CTDSPL2: variants seen among roughly 807,000 people sequenced by gnomAD.
CTDSPL2 encodes CTD small phosphatase-like protein 2.
CTDSPL2 carries 5 observed loss-of-function variants against 60.0 expected under a neutral mutation model. The ratio of observed to expected loss-of-function variants is 0.08; its 90% confidence interval spans 0.04 to 0.18. CTDSPL2 has a LOEUF of 0.18. Among genes scored for constraint, CTDSPL2 ranks in the 10% least tolerant of loss-of-function variants. The pLI is 1.00. For synonymous variants in CTDSPL2, 186 were observed against 189.3 expected, an observed-to-expected ratio of 0.98 and a Z score of 0.14; for missense variants, 370 against 548.8, an observed-to-expected ratio of 0.67 and a Z score of 3.26.
At chr15:44,452,084 CA>C (rs1263477528) in intron 1 of CTDSPL2, among the ~76,000 whole-genome samples, 9 of 151,996 alleles carry the variant, frequency 5.9e-5, no homozygotes, top group Non-Finnish European at 1.0e-4. Context: ...GTTTATTTTC[CA>C]ACAAATCAGT....
chr15:44,504,538 A>T (rs1439109657), intron 8 of CTDSPL2, among the ~76,000 whole-genome samples: 9 of 152,126 alleles, frequency 5.9e-5, no homozygotes, highest in Admixed American at 5.9e-4. Flanking sequence ...ACTAACCAAC[A>T]TGCACATTGT....
intron 5 of CTDSPL2, among the ~76,000 whole-genome samples, chr15:44,495,299 G>A (rs931123809): frequency 2.0e-5 from 3 of 152,074 alleles, no homozygotes; most frequent in Admixed American, 6.5e-5. Context: ...GATTATAGTC[G>A]TGGCCGGGTG....
At chr15:44,480,159 TC>T (rs1380999282) in intron 2 of CTDSPL2, among the ~76,000 whole-genome samples, 61 of 152,250 alleles carry the variant, frequency 4.0e-4, no homozygotes, top group African/African-American at 1.4e-3. Flanking sequence ...AGCAGACTGT[TC>T]CTGTCATTTC....
Position 44,525,652 on chromosome 15 carries a change from A to G in CTDSPL2, c.*1478A>G. The stretch of plus-strand genomic sequence containing the variant: ...GAGTATGTCAATTAATTTTTTATGT[A>G]TATTACCTGTTTACTTGTACAACTT... On this transcript the variant is annotated 3_prime_UTR_variant, in exon 13 of 13. Coordinates refer to ENST00000260327, the MANE Select transcript of CTDSPL2 (RefSeq NM_016396.3). The G allele has an allele frequency of 2.5e-6, 1 of 395,190 alleles. No homozygotes were observed. Among genetic ancestry groups the G allele is most frequent in the African/African-American group, 2.1e-5 (1 of 48,684 alleles). The allele number at this position is 395,190 out of a possible 1,614,324, so 24.5% of individuals were successfully genotyped here.
At chr15:44,499,132 A>T (rs1186907177) in intron 7 of CTDSPL2, among the ~76,000 whole-genome samples, 1 of 152,060 alleles carries the variant, frequency 6.6e-6, no homozygotes, top group Non-Finnish European at 1.5e-5. Flanking sequence ...CATTGTTGCC[A>T]GGCACGGTGG....
intron 8 of CTDSPL2, among the ~76,000 whole-genome samples, chr15:44,504,083 C>A (rs892343622): frequency 6.6e-6 from 1 of 152,174 alleles, no homozygotes; most frequent in Non-Finnish European, 1.5e-5. Context: ...TGCAGTGGCT[C>A]ACGCCTGTAA....
chr15:44,439,857 ATATTG>A (rs1210051486), intron 1 of CTDSPL2, among the ~76,000 whole-genome samples: 1 of 152,172 alleles, frequency 6.6e-6, no homozygotes, highest in African/African-American at 2.4e-5. Flanking sequence ...GGCCAAATTA[ATATTG>A]TATTATGTTT....
chr15:44,463,484 C>T (rs2080618510), intron 2 of CTDSPL2, among the ~76,000 whole-genome samples: 3 of 152,178 alleles, frequency 2.0e-5, no homozygotes, highest in Admixed American at 6.5e-5. Flanking sequence ...GTTTTTCATA[C>T]AGCTACAAAT....
Position 44,525,387 on chromosome 15 carries a change from G to A in CTDSPL2, c.*1213G>A, listed in dbSNP as rs375977215. ...TGGTTCTCTAATGCAGCTACCACAA[G>A]AGGTTGATATTTTTATAGTGGCGTG... On this transcript the variant is annotated 3_prime_UTR_variant, in exon 13 of 13. Transcript: ENST00000260327. The A allele has an allele frequency of 2.3e-5, 9 of 398,890 alleles. No individual in the cohort carries two copies. The highest frequency in any genetic ancestry group is 1.4e-4 in the African/African-American group (7 of 48,742). 24.7% of individuals were successfully genotyped at this position (398,890 alleles called of 1,614,324 possible). A position where few individuals can be genotyped will look rare whatever the true frequency, so the allele number is the denominator to read the frequency against.
intron 8 of CTDSPL2, among the ~76,000 whole-genome samples, chr15:44,505,429 AAAAG>A (rs1434077710): frequency 6.6e-6 from 1 of 151,778 alleles, no homozygotes; most frequent in African/African-American, 2.4e-5. Context: ...AAAAAGAAAA[AAAAG>A]AAGGAGAAAA....
chr15:44,477,481 G>A (rs2080941508), intron 2 of CTDSPL2, among the ~76,000 whole-genome samples: 1 of 151,956 alleles, frequency 6.6e-6, no homozygotes, highest in Non-Finnish European at 1.5e-5. Context: ...GCTGCAGTTA[G>A]CTAAGATCGT....
At chr15:44,457,258 A>G (rs1362597481) in intron 1 of CTDSPL2, among the ~76,000 whole-genome samples, 2 of 152,188 alleles carry the variant, frequency 1.3e-5, no homozygotes, top group Admixed American at 6.5e-5. Flanking sequence ...TGTTTCGTCT[A>G]CTTAGAAAAT....
chr15:44,463,671 C>T (rs1234461091), intron 2 of CTDSPL2, among the ~76,000 whole-genome samples: 1 of 152,186 alleles, frequency 6.6e-6, no homozygotes, highest in East Asian at 1.9e-4. Flanking sequence ...ACATATTAGT[C>T]TTAATGAGCT....
chr15:44,443,356 C>T (rs1356804976), intron 1 of CTDSPL2, among the ~76,000 whole-genome samples: 1 of 152,154 alleles, frequency 6.6e-6, no homozygotes, highest in Admixed American at 6.5e-5. Context: ...GTGAAAAATG[C>T]TGCTATGAAT....
In CTDSPL2 at chr15:44,450,589, ATTTTTTTTTTT is replaced by A. The variant is rs36016079; in HGVS notation, c.-24-8387_-24-8377del. The stretch of plus-strand genomic sequence containing the variant: ...ATGACCATTAAAAGTTATATTCTTA[ATTTTTTTTTTT>A]TTTTTTTTTTTTTTGAGACTGAGTC... On this transcript the variant is annotated intron_variant, in intron 1 of 12. Coordinates refer to ENST00000260327, the MANE Select transcript of CTDSPL2 (RefSeq NM_016396.3). Among the ~76,000 whole-genome samples, 22 of 88,698 alleles carry A rather than the reference ATTTTTTTTTTT, an allele frequency of 2.5e-4. No individual in the cohort carries two copies. In the East Asian group the frequency reaches 6.8e-3, roughly 28 times the overall value. 58.2% of individuals were successfully genotyped at this position (88,698 alleles called of 152,430 possible).
At chr15:44,513,995 C>G (rs1290577808) in intron 8 of CTDSPL2, among the ~76,000 whole-genome samples, 1 of 152,124 alleles carries the variant, frequency 6.6e-6, no homozygotes, top group African/African-American at 2.4e-5. Context: ...TAATTTTAAT[C>G]TCAAGTAGCC....
At chr15:44,500,915 G>C (rs1007129137) in intron 8 of CTDSPL2, among the ~76,000 whole-genome samples, 9 of 152,112 alleles carry the variant, frequency 5.9e-5, no homozygotes, top group African/African-American at 2.2e-4. Flanking sequence ...TATGTAAGCT[G>C]ATTTTAGTCC....
At chr15:44,516,005 G>C (rs2140867680) in intron 10 of CTDSPL2, among the ~76,000 whole-genome samples, 1 of 137,450 alleles carries the variant, frequency 7.3e-6, no homozygotes, top group Admixed American at 7.5e-5. Context: ...TTTTTTTGAG[G>C]CGGATTCTCA....
intron 4 of CTDSPL2, among the ~76,000 whole-genome samples, chr15:44,488,109 C>CAA (rs554716828): frequency 6.2e-4 from 56 of 90,172 alleles, no homozygotes; most frequent in African/African-American, 1.8e-3. Context: ...GACTCCGTCT[C>CAA]AAAAAAAAAA....
Sources: gnomAD v4.1 joint callset for allele counts (sites outside exome capture counted in the v4.1 genomes callset) on GRCh38, gnomAD v4.1.1 for gene constraint, MANE v1.5 for transcripts, NCBI Gene and HGNC (gene_info 2026-07-23, HGNC 2026-07-21) for gene names.